The following CAPN12 variants were observed in gnomAD, a reference collection of about 807,000 sequenced individuals.
The protein encoded by CAPN12 is calpain 12.
In CAPN12, 107 loss-of-function variants were observed where a neutral mutation model predicts 95.0. The observed-to-expected ratio is 1.13, with a 90% CI of 0.96 to 1.32. CAPN12 has a LOEUF of 1.32. CAPN12 is among the 40% of genes most tolerant of loss of function. CAPN12 has a pLI of 0.00. For missense variants in CAPN12, 1,136 were observed against 997.8 expected (o/e 1.14, Z -1.87); for synonymous variants, 505 against 415.5 (o/e 1.22, Z -2.62).
intron 4 of CAPN12, 87 bp from the exon 5 acceptor site, chr19:38,740,306 C>G: frequency 7.5e-7 from 1 of 1,329,544 alleles, no homozygotes. Context: ...GCCTGTGTCT[C>G]AGGGTGTGGA....
rs1599927562 is a variant in CAPN12, at chr19:38,740,081, G to C, written c.699C>G (p.Ala233=). 1 of 1,606,046 alleles carries C rather than the reference G, an allele frequency of 6.2e-7. No individual in the cohort carries two copies. Among genetic ancestry groups the C allele is most frequent in the Non-Finnish European group, 8.5e-7 (1 of 1,175,826 alleles). The part of the protein sequence containing the change: ...GLFSALRHAL[A]KESLVGATAL... ...CAGTGGCGCCCACGAGGGACTCCTT[G>C]GCCAGGGCATGGCGCAGGGCAGAGA... Residue 233 remains alanine, a synonymous_variant, in exon 5 of 21, where the codon GCC becomes GCG. Coordinates refer to ENST00000328867, the MANE Select transcript of CAPN12 (RefSeq NM_144691.4).
rs1055388013 is a variant in CAPN12, at chr19:38,742,193, G to C, written c.426+217C>G. The C allele has an allele frequency of 4.9e-6, 3 of 616,146 alleles. No homozygotes were observed. In the Admixed American group the frequency reaches 8.8e-5, roughly 18 times the overall value. The allele number at this position is 616,146 out of a possible 1,614,324, so 38.2% of individuals were successfully genotyped here. On this transcript the variant is annotated intron_variant, in intron 3 of 20. Coordinates refer to ENST00000328867, the MANE Select transcript of CAPN12 (RefSeq NM_144691.4). Reference sequence around the variant, plus strand: ...AAGAAAAAATTAGCTGGGCATGATGGCGGGTGCCTGTAATCCCAGCTACTC... The same window carrying C: ...AAGAAAAAATTAGCTGGGCATGATGCCGGGTGCCTGTAATCCCAGCTACTC...
intron 10 of CAPN12, chr19:38,736,867 T>TTCCCTTAGC (rs1217720247): frequency 1.8e-6 from 1 of 551,014 alleles, no homozygotes; most frequent in East Asian, 3.1e-5. Context: ...CTCCCTCTCA[T>TTCCCTTAGC]TCCCTTAGCT....
At chr19:38,743,616 T>C (rs1465688355) in intron 1 of CAPN12, among the ~76,000 whole-genome samples, 3 of 115,000 alleles carry the variant, frequency 2.6e-5, no homozygotes, top group African/African-American at 1.0e-4. Flanking sequence ...GACCCAGGTG[T>C]CCAGGCCTTG....
At chr19:38,738,935 C>A (rs1970384049) in intron 5 of CAPN12, 2 of 488,388 alleles carry the variant, frequency 4.1e-6, no homozygotes. Context: ...AGTCCAAGAC[C>A]AGCCTGGGCA....
At position 38,736,198 on chromosome 19, in the gene CAPN12, G is replaced by A. The variant is rs1287302373; in HGVS notation, c.1495C>T (p.His499Tyr). The A allele has an allele frequency of 1.3e-6, 2 of 1,510,554 alleles. No individual in the cohort carries two copies. The highest frequency in any genetic ancestry group is 1.8e-6 in the Non-Finnish European group (2 of 1,133,802). The allele number at this position is 1,510,554 out of a possible 1,614,324, so 93.6% of individuals were successfully genotyped here. Reference sequence around the variant, plus strand: ...GCGGTGCTCGGCACCACCAGGTAGTGGCCTGGACGCAGGCAGCAGCGGCGG... The same window carrying A: ...GCGGTGCTCGGCACCACCAGGTAGTAGCCTGGACGCAGGCAGCAGCGGCGG... ...VTRRCCLRPG[H>Y]YLVVPSTAHA... The change falls in exon 12 of 21, where the codon CAC becomes TAC. Residue 499 changes from histidine (H) to tyrosine (Y), a missense_variant. Transcript: ENST00000328867.
In CAPN12 at chr19:38,731,024, C is replaced by G; in HGVS notation, c.2075-1G>C. 1 of 1,554,814 alleles carries G rather than the reference C, an allele frequency of 6.4e-7. No homozygotes were observed. The highest frequency in any genetic ancestry group is 8.7e-7 in the Non-Finnish European group (1 of 1,149,496). ...CCATCCAGGTGCTGGCTGCAGTGGC[C>G]TGTGCAGAGAGGGGCAGGGTGAGTG... On this transcript the variant is annotated splice_acceptor_variant, in intron 19 of 20. Transcript: ENST00000328867. LOFTEE classifies it high-confidence loss of function.
In CAPN12 at chr19:38,736,287, T is replaced by C. The variant is rs62120074; in HGVS notation, c.1406A>G (p.His469Arg). ...LLGLWDSPRS[H>R]ALLPRLLRAD... ...GCGCAGCAGCCGGGGCAGGAGCGCA[T>C]GGCTGCGCGGGGAATCCCAGAGGCC... The change falls in exon 12 of 21, where the codon CAT becomes CGT. Residue 469 changes from histidine to arginine, a missense_variant. Physicochemically the swap from His to Arg is conservative, Grantham distance 29. Coordinates refer to ENST00000328867, the MANE Select transcript of CAPN12 (RefSeq NM_144691.4). 93,793 of 1,444,352 alleles carry C rather than the reference T, an allele frequency of 0.065. 3,335 individuals are homozygous for C. Among genetic ancestry groups the C allele is most frequent in the South Asian group, 0.1 (6,911 of 68,468 alleles). 89.5% of individuals were successfully genotyped at this position (1,444,352 alleles called of 1,614,324 possible).
In CAPN12 at chr19:38,733,773, A is replaced by G. The variant is rs4801861; in HGVS notation, c.1887T>C (p.Phe629=). Residue 629 remains phenylalanine (F), a synonymous_variant, in exon 18 of 21, where the codon TTT becomes TTC. Transcript: ENST00000328867. ...CAGAGGTGTCCTCATCGAACTTGTT[A>G]AATATGGCCTGGGCAGGAAGGATGA... ...WGYLLEWQAI[F]NKFDEDTSGT... The G allele has an allele frequency of 0.77, 1,239,316 of 1,612,454 alleles. 479,046 individuals carry two copies. The highest frequency in any genetic ancestry group is 0.96 in the African/African-American group (71,717 of 75,050).
At chr19:38,736,517 AGCCCCAG>A in intron 11 of CAPN12, 28 bp downstream of exon 11, 1 of 1,229,128 alleles carries the variant, frequency 8.1e-7, no homozygotes. Context: ...AGGTTGACCA[AGCCCCAG>A]GGCCGGTTGA....
At chr19:38,743,788 C>G in intron 1 of CAPN12, 141 bp downstream of exon 1, 1 of 756,960 alleles carries the variant, frequency 1.3e-6, no homozygotes, top group Admixed American at 2.7e-5. Context: ...CTCCCTCAGA[C>G]CTAAGAGTCC....
chr19:38,736,869 C>T lies in CAPN12; in HGVS notation c.1362+287G>A, dbSNP rs1970214942. 4 of 574,700 alleles carry T rather than the reference C, an allele frequency of 7.0e-6. No homozygotes were observed. The East Asian group carries it at 1.2e-4, about 17-fold the overall frequency. 35.6% of individuals were successfully genotyped at this position (574,700 alleles called of 1,614,324 possible). A position where few individuals can be genotyped will look rare whatever the true frequency, so the allele number is the denominator to read the frequency against. ...TGTCCCTGAGCCCCTCCCTCTCATT[C>T]CCTTAGCTCCCTCTCCCCTCTGAGA... On this transcript the variant is annotated intron_variant, in intron 10 of 20. Transcript: ENST00000328867.
intron 18 of CAPN12, among the ~76,000 whole-genome samples, chr19:38,731,786 T>G (rs1969634992): frequency 6.6e-6 from 1 of 152,260 alleles, no homozygotes; most frequent in African/African-American, 2.4e-5. Flanking sequence ...TTCATGGGCT[T>G]CTGCTGCTTC....
At chr19:38,741,442 G>A (rs1277493197) in intron 4 of CAPN12, among the ~76,000 whole-genome samples, 1 of 151,924 alleles carries the variant, frequency 6.6e-6, no homozygotes, top group Non-Finnish European at 1.5e-5. Flanking sequence ...GCATGGTGGT[G>A]CGCTCCTGTA....
chr19:38,744,567 C>T, upstream of CAPN12: 1 of 266,406 alleles, frequency 3.8e-6, no homozygotes, highest in Non-Finnish European at 7.4e-6. Context: ...GCCTCTCTCC[C>T]CCTCCCTCTG....
At chr19:38,743,261 G>A in intron 1 of CAPN12, 159 bp from the exon 2 acceptor site, 1 of 730,886 alleles carries the variant, frequency 1.4e-6, no homozygotes, top group Non-Finnish European at 2.3e-6. Context: ...CAGTCCCATG[G>A]TAGCCCCCTC....
chr19:38,738,853 T>C (rs576772186), intron 5 of CAPN12: 7 of 598,414 alleles, frequency 1.2e-5, no homozygotes, highest in Non-Finnish European at 2.1e-5. Flanking sequence ...CAAAAGGAGA[T>C]GGAGGTACGG....
At chr19:38,742,054 G>A (rs1433867297) in intron 3 of CAPN12, 144 bp from the exon 4 acceptor site, 12 of 1,242,288 alleles carry the variant, frequency 9.7e-6, no homozygotes, top group East Asian at 7.6e-5. Context: ...GGCCGGGTGC[G>A]GTGGCTCACA....
intron 18 of CAPN12, among the ~76,000 whole-genome samples, chr19:38,732,580 A>G (rs982598249): frequency 1.6e-4 from 25 of 152,190 alleles, no homozygotes; most frequent in African/African-American, 6.0e-4. Context: ...CAATCTGGCA[A>G]TCTGCCTGCC....
Sources: allele counts gnomAD v4.1 joint callset (sites outside exome capture counted in the v4.1 genomes callset), GRCh38; gene constraint gnomAD v4.1.1; transcripts MANE v1.5; gene names NCBI Gene and HGNC (gene_info 2026-07-23, HGNC 2026-07-21).